PSMC1: variants seen among roughly 807,000 people sequenced by gnomAD.
The protein encoded by PSMC1 is proteasome 26S subunit, ATPase 1.
Under a neutral mutation model 49.8 loss-of-function variants are expected in PSMC1, and 5 were observed. The observed-to-expected ratio is 0.10, with a 90% CI of 0.05 to 0.21. The LOEUF is 0.21. PSMC1 is among the 10% of genes least tolerant of loss of function. PSMC1 has a pLI of 1.00. For synonymous variants in PSMC1, 155 were observed against 192.1 expected (o/e 0.81, Z 1.60); for missense variants, 181 against 535.7 (o/e 0.34, Z 6.54).
Position 90,263,383 on chromosome 14 carries a change from A to T in PSMC1, c.220A>T (p.Met74Leu), listed in dbSNP as rs537026822. Residue 74 changes from methionine (M) to leucine (L), a missense_variant, in exon 4 of 11, where the codon ATG (methionine) becomes TTG (leucine). Coordinates refer to ENST00000261303, the MANE Select transcript of PSMC1 (RefSeq NM_002802.3). ...AGAGAGAATTAAAGACTATCTTCTC[A>T]TGGAGGAAGAATTCATTAGAAATCA... is the stretch of plus-strand genomic sequence containing the variant. ...KLERIKDYLLMEEEFIRNQEQ... is the reference protein window; with the variant it reads ...KLERIKDYLLLEEEFIRNQEQ... 1 of 1,593,180 alleles carries T rather than the reference A, an allele frequency of 6.3e-7. No homozygotes were observed. The highest frequency in any genetic ancestry group is 1.2e-5 in the South Asian group (1 of 86,942).
intron 10 of PSMC1, chr14:90,270,706 G>A: frequency 5.5e-6 from 1 of 181,198 alleles, no homozygotes; most frequent in Middle Eastern, 2.3e-3. Flanking sequence ...CGCAGAGTGG[G>A]GACCAAGCAC....
At position 90,269,545 on chromosome 14, in the gene PSMC1, C is replaced by A. The variant is rs1368582660; in HGVS notation, c.1030C>A (p.Pro344Thr). Residue 344 changes from proline (P) to threonine (T), a missense_variant, in exon 9 of 11, where the codon CCA becomes ACA. This residue lies in a region of PSMC1 where 60 missense variants were observed against 155.5 expected (regional missense o/e 0.39). Coordinates refer to ENST00000261303, the MANE Select transcript of PSMC1 (RefSeq NM_002802.3). ...AACTTTGGATCCAGCACTTATCAGACCAGGTTAAATTTGCTTTGGTTTCAT... is the reference window on the plus strand; with the variant it reads ...AACTTTGGATCCAGCACTTATCAGAACAGGTTAAATTTGCTTTGGTTTCAT... ...IETLDPALIR[P>T]GRIDRKIEFP... 2 of 1,613,048 alleles carry A rather than the reference C, an allele frequency of 1.2e-6. No individual in the cohort carries two copies. Among genetic ancestry groups the A allele is most frequent in the Non-Finnish European group, 1.7e-6 (2 of 1,179,572 alleles).
Position 90,273,347 on chromosome 14 carries a change from C to CAGA in PSMC1, c.*943_*945dup, listed in dbSNP as rs1891717137. 6.6e-6 allele frequency: 1 copy of CAGA among 152,180 alleles called. No homozygotes were observed. Among genetic ancestry groups the CAGA allele is most frequent in the African/African-American group, 2.4e-5 (1 of 41,438 alleles). 9.4% of individuals were successfully genotyped at this position (152,180 alleles called of 1,614,324 possible). On this transcript the variant is annotated 3_prime_UTR_variant, in exon 11 of 11. Coordinates refer to ENST00000261303, the MANE Select transcript of PSMC1 (RefSeq NM_002802.3). ...AGCTGAGGCAGGCGGATCACAAGGT[C>CAGA]AGAAGTTTGAGGCCAGCCTGGCCAA...
chr14:90,259,009 T>G (rs1595038896), intron 1 of PSMC1, 151 bp from the exon 2 acceptor site: 1 of 601,294 alleles, frequency 1.7e-6, no homozygotes, highest in Non-Finnish European at 2.6e-6. Context: ...ACACATTGAC[T>G]GCAAGTATTA....
rs776582107 is a variant in PSMC1, at chr14:90,263,339, G to A, written c.176G>A (p.Arg59Gln). 5.6e-6 allele frequency: 9 copies of A among 1,596,108 alleles called. No individual in the cohort carries two copies. The highest frequency in any genetic ancestry group is 3.6e-5 in the Admixed American group (2 of 55,886). Residue 59 changes from arginine to glutamine, a missense_variant, in exon 4 of 11, where the codon CGG (arginine) becomes CAG (glutamine). Arg to Gln is a conservative substitution (Grantham distance 43). Around this residue, in one of 3 missense-constraint regions of PSMC1, gnomAD observed 121 missense variants for 358.6 expected, o/e 0.34. Coordinates refer to ENST00000261303, the MANE Select transcript of PSMC1 (RefSeq NM_002802.3). ...LPLVTPHTQC[R>Q]LKLLKLERIK... is the part of the protein sequence containing the mutation. ...TCAGTGACACCTCACACTCAGTGCC[G>A]GTTAAAATTACTGAAGTTAGAGAGA...
In PSMC1 at chr14:90,272,715, T is replaced by C. The variant is rs896848769; in HGVS notation, c.*308T>C. ...TACAGGGAAGCCTTTGGACAGGAACTCAGGCTGCGGTCCCAAGGAGTGTGG... is the reference window on the plus strand; with the variant it reads ...TACAGGGAAGCCTTTGGACAGGAACCCAGGCTGCGGTCCCAAGGAGTGTGG... On this transcript the variant is annotated 3_prime_UTR_variant, in exon 11 of 11. Transcript: ENST00000261303. This position sits in a 1 kb window ranked among gnomAD's most constrained non-coding sequence, Gnocchi z 4.5. The C allele has an allele frequency of 4.3e-6, 1 of 231,684 alleles. No individual in the cohort carries two copies. The highest frequency in any genetic ancestry group is 2.3e-5 in the African/African-American group (1 of 43,320). The allele number at this position is 231,684 out of a possible 1,614,324, so 14.4% of individuals were successfully genotyped here.
intron 9 of PSMC1, 186 bp downstream of exon 9, chr14:90,269,734 C>G (rs1279069548): frequency 1.9e-6 from 1 of 531,152 alleles, no homozygotes; most frequent in African/African-American, 1.9e-5. Flanking sequence ...GGTCTGTGCA[C>G]CTTGGCCCTT....
At chr14:90,265,457 G>A (rs578136598) in intron 7 of PSMC1, among the ~76,000 whole-genome samples, 1 of 152,228 alleles carries the variant, frequency 6.6e-6, no homozygotes, top group South Asian at 2.1e-4. Context: ...TTGGGAGGCA[G>A]AGGCGGGTGG....
At chr14:90,259,572 GA>G (rs1891356582) in intron 2 of PSMC1, among the ~76,000 whole-genome samples, 1 of 151,994 alleles carries the variant, frequency 6.6e-6, no homozygotes, top group African/African-American at 2.4e-5. Flanking sequence ...TACCTTATTG[GA>G]ATAATATGGC....
At position 90,257,141 on chromosome 14, in the gene PSMC1, G is replaced by C. The variant is rs1382824540; in HGVS notation, c.3+541G>C. Among the ~76,000 whole-genome samples, 5 of 152,144 alleles carry C rather than the reference G, an allele frequency of 3.3e-5. No individual in the cohort carries two copies. In the East Asian group the frequency reaches 9.6e-4, roughly 29 times the overall value. On this transcript the variant is annotated intron_variant, in intron 1 of 10. Coordinates refer to ENST00000261303, the MANE Select transcript of PSMC1 (RefSeq NM_002802.3). The stretch of plus-strand genomic sequence containing the variant: ...GACGGAAAGGGCCCGTGGTGCAGTA[G>C]TAATAATAAAAACAGCTAGCATTTA...
chr14:90,267,525 C>T (rs532408081), intron 7 of PSMC1: 2 of 152,366 alleles, frequency 1.3e-5, no homozygotes, highest in South Asian at 2.1e-4. Context: ...GATGTTTGAG[C>T]TCTTCCCTGA....
At chr14:90,262,093 G>T (rs1348466184) in intron 3 of PSMC1, among the ~76,000 whole-genome samples, 1 of 144,296 alleles carries the variant, frequency 6.9e-6, no homozygotes, top group Non-Finnish European at 1.5e-5. Flanking sequence ...GGTGGGAATT[G>T]AACAATGAGA....
intron 9 of PSMC1, 141 bp from the exon 10 acceptor site, chr14:90,270,057 C>T: frequency 2.4e-6 from 2 of 850,754 alleles, no homozygotes; most frequent in Non-Finnish European, 3.6e-6. Context: ...TATATGTTTA[C>T]TTTTTAAAAT....
At position 90,274,809 on chromosome 14, in the gene PSMC1, CACACACACACACACACACACACACACACA is replaced by C. The variant is rs1566678020; in HGVS notation, c.*2403_*2431del. ...AACTACACACACACACACACACACACACACACACACACACACACACACACACACACCCCAATACATATGAATTGATCTGA... is the reference window on the plus strand; with the variant it reads ...AACTACACACACACACACACACACACCCCCAATACATATGAATTGATCTGA... On this transcript the variant is annotated 3_prime_UTR_variant, in exon 11 of 11. Coordinates refer to ENST00000261303, the MANE Select transcript of PSMC1 (RefSeq NM_002802.3). The C allele has an allele frequency of 2.5e-4, 17 of 68,214 alleles. No homozygotes were observed. The highest frequency in any genetic ancestry group is 1.5e-3 in the South Asian group (3 of 1,980). 4.2% of individuals were successfully genotyped at this position (68,214 alleles called of 1,614,324 possible).
At chr14:90,260,550 G>A (rs1327024209) in intron 3 of PSMC1, among the ~76,000 whole-genome samples, 1 of 152,166 alleles carries the variant, frequency 6.6e-6, no homozygotes, top group Non-Finnish European at 1.5e-5. Context: ...GCAAAACACG[G>A]TGAAACCCTG....
chr14:90,267,469 T>G (rs1891548262), intron 7 of PSMC1: 1 of 152,294 alleles, frequency 6.6e-6, no homozygotes, highest in Non-Finnish European at 1.5e-5. Flanking sequence ...GACTCTTGTT[T>G]TTAACCTGAA....
chr14:90,267,011 CTG>C (rs35313608), intron 7 of PSMC1, among the ~76,000 whole-genome samples: 4,270 of 152,242 alleles, frequency 0.028, 176 homozygotes, highest in African/African-American at 0.098. Context: ...CTAACTGCCT[CTG>C]TATCCTGAGG....
chr14:90,271,504 CTG>C (rs1232454889), intron 10 of PSMC1: 1 of 152,160 alleles, frequency 6.6e-6, no homozygotes, highest in Non-Finnish European at 1.5e-5. Flanking sequence ...ATGCTATACT[CTG>C]TAGTATTATT....
chr14:90,275,365 A>C lies in PSMC1; in HGVS notation c.*2958A>C, dbSNP rs1290627674. ...AACTGACTCACACGGTTCAGGAAAC[A>C]AAATTCTTTGTAACGCACTTGCATC... On this transcript the variant is annotated 3_prime_UTR_variant, in exon 11 of 11. Transcript: ENST00000261303. The C allele has an allele frequency of 2.0e-5, 3 of 152,178 alleles. No individual in the cohort carries two copies. In the East Asian group the frequency reaches 5.8e-4, roughly 29 times the overall value. 9.4% of individuals were successfully genotyped at this position (152,178 alleles called of 1,614,324 possible). A position where few individuals can be genotyped will look rare whatever the true frequency, so the allele number is the denominator to read the frequency against.
Sources: allele counts gnomAD v4.1 joint callset (sites outside exome capture counted in the v4.1 genomes callset), GRCh38; gene constraint gnomAD v4.1.1; regional missense constraint gnomAD v4.1.1; non-coding constraint Gnocchi (gnomAD v3.1); transcripts MANE v1.5; gene names NCBI Gene and HGNC (gene_info 2026-07-23, HGNC 2026-07-21).